The following DCC variants were observed in gnomAD, a reference collection of about 807,000 sequenced individuals.
DCC encodes DCC netrin 1 receptor.
DCC carries 58 observed loss-of-function variants against 172.5 expected under a neutral mutation model. The ratio of observed to expected loss-of-function variants is 0.34; its 90% confidence interval spans 0.27 to 0.42. DCC has a LOEUF of 0.42. Among genes scored for constraint, DCC ranks in the 10% least tolerant of loss-of-function variants. The pLI, the probability that DCC is intolerant of heterozygous loss-of-function variation, is 1.00. For missense variants in DCC, 1,740 were observed against 1,791.0 expected (o/e 0.97, Z 0.51); for synonymous variants, 709 against 644.5 (o/e 1.10, Z -1.52).
chr18:52,674,748 G>T (rs912948631), intron 1 of DCC, among the ~76,000 whole-genome samples: 2 of 152,188 alleles, frequency 1.3e-5, no homozygotes, highest in Non-Finnish European at 2.9e-5. Flanking sequence ...TTGAAGCAAA[G>T]TGTAAACCAA....
intron 1 of DCC, among the ~76,000 whole-genome samples, chr18:52,362,362 C>T (rs1308561182): frequency 2.0e-5 from 3 of 152,208 alleles, no homozygotes; most frequent in African/African-American, 7.2e-5. Context: ...CAACTTCTTT[C>T]TTGAATTTAT....
At chr18:53,176,479 C>T (rs1330928461) in intron 8 of DCC, among the ~76,000 whole-genome samples, 11 of 149,756 alleles carry the variant, frequency 7.3e-5, no homozygotes, top group African/African-American at 2.7e-4. Context: ...AACAAATTTA[C>T]AAGAAAAAAA....
rs530849850 is a variant in DCC at position 52,650,895 on chromosome 18, A to C, written c.92-101159A>C. ...AATAGAAGATATCTCTTATTCATTCAAACAAGAAATCTACTTTTTTATTTT... is the reference window on the plus strand; with the variant it reads ...AATAGAAGATATCTCTTATTCATTCCAACAAGAAATCTACTTTTTTATTTT... On this transcript the variant is annotated intron_variant, in intron 1 of 28. Transcript: ENST00000442544. Among the ~76,000 whole-genome samples, 31 of 152,350 alleles carry C rather than the reference A, an allele frequency of 2.0e-4. No homozygotes were observed. In the East Asian group the frequency reaches 4.8e-3, roughly 24 times the overall value.
intron 1 of DCC, among the ~76,000 whole-genome samples, chr18:52,544,783 A>G (rs926248416): frequency 1.3e-5 from 2 of 152,146 alleles, no homozygotes; most frequent in East Asian, 3.8e-4. Flanking sequence ...CTGTCTTTTA[A>G]AAAAATACCC....
At chr18:52,751,975 T>C (rs1790720483) in intron 1 of DCC, 79 bp from the exon 2 acceptor site, 3 of 1,247,290 alleles carry the variant, frequency 2.4e-6, no homozygotes, top group African/African-American at 3.0e-5. Context: ...TGAAAAGCTT[T>C]GTAAAGAAAA....
At chr18:52,684,554 T>A (rs2035799250) in intron 1 of DCC, among the ~76,000 whole-genome samples, 1 of 152,084 alleles carries the variant, frequency 6.6e-6, no homozygotes, top group African/African-American at 2.4e-5. Context: ...TTCCATCATG[T>A]TATGCCAAGA....
At chr18:53,238,052 A>G (rs2056231697) in intron 12 of DCC, among the ~76,000 whole-genome samples, 1 of 152,168 alleles carries the variant, frequency 6.6e-6, no homozygotes. Context: ...CTTGACCTTC[A>G]CAGGATAAAC....
At chr18:52,765,321 A>C (rs2037229243) in intron 2 of DCC, among the ~76,000 whole-genome samples, 1 of 151,714 alleles carries the variant, frequency 6.6e-6, no homozygotes, top group Admixed American at 6.6e-5. Flanking sequence ...CTAGGATTAC[A>C]GGCATAAGCC....
chr18:52,662,425 A>G (rs2035376434), intron 1 of DCC, among the ~76,000 whole-genome samples: 1 of 151,400 alleles, frequency 6.6e-6, no homozygotes, highest in African/African-American at 2.4e-5. Context: ...AAATGCGAAA[A>G]GATTCATCCT....
At chr18:52,616,945 G>T (rs1369794881) in intron 1 of DCC, among the ~76,000 whole-genome samples, 2 of 152,204 alleles carry the variant, frequency 1.3e-5, no homozygotes, top group Non-Finnish European at 2.9e-5. Context: ...TAATTTGCAA[G>T]AGAGGAGACA....
At chr18:52,994,348 G>A (rs1177503427) in intron 5 of DCC, among the ~76,000 whole-genome samples, 1 of 151,906 alleles carries the variant, frequency 6.6e-6, no homozygotes, top group Non-Finnish European at 1.5e-5. Flanking sequence ...GAGGCAGGGG[G>A]TAAAGTGGCA....
intron 1 of DCC, among the ~76,000 whole-genome samples, chr18:52,502,396 A>G (rs2144629495): frequency 6.6e-6 from 1 of 152,296 alleles, no homozygotes; most frequent in Middle Eastern, 3.4e-3. Context: ...AGCCTTTCCT[A>G]CGAAACTATG....
At chr18:52,460,518 A>G (rs1034644378) in intron 1 of DCC, among the ~76,000 whole-genome samples, 9 of 151,970 alleles carry the variant, frequency 5.9e-5, no homozygotes, top group Non-Finnish European at 8.8e-5. Flanking sequence ...TAATGTAGTC[A>G]TATGTCACTT....
intron 7 of DCC, among the ~76,000 whole-genome samples, chr18:53,094,145 A>G (rs1329258233): frequency 6.6e-6 from 1 of 152,184 alleles, no homozygotes; most frequent in Non-Finnish European, 1.5e-5. Context: ...TTCCCAAGGT[A>G]TTTTAGGCCG....
At chr18:53,261,078 C>T (rs1198743802) in intron 12 of DCC, among the ~76,000 whole-genome samples, 2 of 152,060 alleles carry the variant, frequency 1.3e-5, no homozygotes, top group Non-Finnish European at 2.9e-5. Context: ...TGGGAGTGAC[C>T]CGATTTTCCA....
intron 1 of DCC, among the ~76,000 whole-genome samples, chr18:52,492,257 G>A (rs77307060): frequency 2.6e-5 from 4 of 151,864 alleles, no homozygotes; most frequent in Non-Finnish European, 4.4e-5. Flanking sequence ...TTAAGTAGAC[G>A]ATTCTCGAGA....
Position 52,847,876 on chromosome 18 carries a change from C to A in DCC, c.413-58168C>A, listed in dbSNP as rs369329644. Among the ~76,000 whole-genome samples, 46 of 152,252 alleles carry A rather than the reference C, an allele frequency of 3.0e-4. 1 individual carries two copies. The South Asian group carries it at 9.3e-3, about 31-fold the overall frequency. On this transcript the variant is annotated intron_variant, in intron 2 of 28. Transcript: ENST00000442544. ...TGAGTAGGTCACTTACCATTTCTCT[C>A]ATCTGTAAAATATGAGTAGGATATA... is the stretch of plus-strand genomic sequence containing the variant.
intron 15 of DCC, among the ~76,000 whole-genome samples, chr18:53,351,334 A>AGTATATATATATATACT (rs1568074740): frequency 1.8e-4 from 3 of 17,062 alleles, no homozygotes; most frequent in African/African-American, 5.3e-4. Context: ...ATATATATAC[A>AGTATATATATATATACT]GTGTATATAT....
At chr18:52,442,052 G>T (rs551231735) in intron 1 of DCC, among the ~76,000 whole-genome samples, 64 of 152,240 alleles carry the variant, frequency 4.2e-4, no homozygotes, top group African/African-American at 1.5e-3. Flanking sequence ...CATTATTAGA[G>T]CTTGGTATTA....
Sources: allele counts gnomAD v4.1 joint callset (sites outside exome capture counted in the v4.1 genomes callset), GRCh38; gene constraint gnomAD v4.1.1; transcripts MANE v1.5; gene names NCBI Gene and HGNC (gene_info 2026-07-23, HGNC 2026-07-21).